EXO1: variants seen among roughly 807,000 people sequenced by gnomAD.
The protein encoded by EXO1 is exonuclease 1.
In EXO1, 69 loss-of-function variants were observed where a neutral mutation model predicts 84.5. That is an observed-to-expected ratio of 0.82 (90% confidence interval 0.67 to 1.00). EXO1 has a LOEUF of 1.00. Ranked by LOEUF, EXO1 falls within the 50% of genes least tolerant of loss-of-function variation. The pLI, the probability that EXO1 is intolerant of heterozygous loss-of-function variation, is 0.00. For missense variants in EXO1, 1,045 were observed against 1,000.7 expected, an observed-to-expected ratio of 1.04 and a Z score of -0.60; for synonymous variants, 373 against 366.1, an observed-to-expected ratio of 1.02 and a Z score of -0.21.
chr1:241,871,741 A>G (rs61068160), intron 11 of EXO1, among the ~76,000 whole-genome samples: 1 of 152,150 alleles, frequency 6.6e-6, no homozygotes, highest in Non-Finnish European at 1.5e-5. Context: ...TAATGAATAC[A>G]TCGCCACACA....
At chr1:241,858,171 G>A (rs1661169685) in intron 7 of EXO1, among the ~76,000 whole-genome samples, 1 of 152,178 alleles carries the variant, frequency 6.6e-6, no homozygotes, top group African/African-American at 2.4e-5. Context: ...AAAGGTACAA[G>A]TGACAGAGAA....
intron 9 of EXO1, 108 bp from the exon 10 acceptor site, chr1:241,861,298 C>A: frequency 1.4e-6 from 1 of 710,944 alleles, no homozygotes; most frequent in Non-Finnish European, 2.6e-6. Flanking sequence ...CCATTTAAGT[C>A]ATAAACCTAT....
At chr1:241,884,543 C>G (rs141635566) in intron 14 of EXO1, among the ~76,000 whole-genome samples, 25 of 152,164 alleles carry the variant, frequency 1.6e-4, no homozygotes, top group African/African-American at 4.3e-4. Flanking sequence ...AAATAAAATT[C>G]TATTTCCTGT....
Position 241,850,382 on chromosome 1 carries a change from T to C in EXO1, c.-17-27T>C, listed in dbSNP as rs768324588. On this transcript the variant is annotated intron_variant, in intron 3 of 15. Transcript: ENST00000366548. ...AAATGTATTTTTCTTTAAATATTACTGTTCTCCCTGTCTCTTTTCATATCA... is the reference window on the plus strand; with the variant it reads ...AAATGTATTTTTCTTTAAATATTACCGTTCTCCCTGTCTCTTTTCATATCA... 7 of 1,428,726 alleles carry C rather than the reference T, an allele frequency of 4.9e-6. 1 individual carries two copies. The South Asian group carries it at 8.0e-5, about 16-fold the overall frequency. 88.5% of individuals were successfully genotyped at this position (1,428,726 alleles called of 1,614,324 possible). A position where few individuals can be genotyped will look rare whatever the true frequency, so the allele number is the denominator to read the frequency against.
chr1:241,857,287 A>G (rs762527393), intron 6 of EXO1, 58 bp from the exon 7 acceptor site: 100 of 1,577,238 alleles, frequency 6.3e-5, no homozygotes, highest in Non-Finnish European at 8.1e-5. Flanking sequence ...TGAAACAGGA[A>G]GTTGTTTAGT....
intron 10 of EXO1, among the ~76,000 whole-genome samples, chr1:241,862,239 C>T (rs988147252): frequency 6.6e-5 from 10 of 152,142 alleles, no homozygotes; most frequent in Non-Finnish European, 1.5e-4. Context: ...CTCCTAGCCG[C>T]GATTTGCTGT....
chr1:241,871,736 A>G (rs981863913), intron 11 of EXO1, among the ~76,000 whole-genome samples: 1 of 152,174 alleles, frequency 6.6e-6, no homozygotes, highest in Non-Finnish European at 1.5e-5. Flanking sequence ...TAGTATAATG[A>G]ATACATCGCC....
intron 10 of EXO1, among the ~76,000 whole-genome samples, chr1:241,862,228 A>G (rs1776135): frequency 0.62 from 94,156 of 152,004 alleles, 29,668 homozygotes; most frequent in East Asian, 0.8. Context: ...GTGAGCCACC[A>G]CTCCTAGCCG....
At chr1:241,850,640 G>C in intron 4 of EXO1, 54 bp downstream of exon 4, 1 of 1,475,356 alleles carries the variant, frequency 6.8e-7, no homozygotes, top group South Asian at 1.1e-5. Context: ...GACCTACAGT[G>C]CCTTTTTTTC....
At chr1:241,853,605 T>G in intron 6 of EXO1, 124 bp downstream of exon 6, 1 of 981,820 alleles carries the variant, frequency 1.0e-6, no homozygotes, top group East Asian at 2.4e-5. Flanking sequence ...AGGGCAGATG[T>G]CAGAAGGAGA....
intron 11 of EXO1, among the ~76,000 whole-genome samples, chr1:241,867,531 A>G (rs1165289778): frequency 6.6e-6 from 1 of 152,150 alleles, no homozygotes; most frequent in African/African-American, 2.4e-5. Flanking sequence ...CATTATCATT[A>G]GTTTTAGCTC....
chr1:241,880,456 G>A (rs1046970467), intron 13 of EXO1, among the ~76,000 whole-genome samples: 1 of 152,160 alleles, frequency 6.6e-6, no homozygotes. Flanking sequence ...TCACACTGTA[G>A]GCTGGTAGAA....
intron 15 of EXO1, among the ~76,000 whole-genome samples, chr1:241,887,846 C>G (rs1317665855): frequency 6.6e-6 from 1 of 151,910 alleles, no homozygotes; most frequent in Non-Finnish European, 1.5e-5. Context: ...GCTGTGTTGG[C>G]CAGGCTGGTT....
chr1:241,855,228 C>T (rs1352498308), intron 6 of EXO1, among the ~76,000 whole-genome samples: 1 of 152,160 alleles, frequency 6.6e-6, no homozygotes, highest in Non-Finnish European at 1.5e-5. Flanking sequence ...TGACAGGGTG[C>T]TGATTGGTGC....
intron 6 of EXO1, among the ~76,000 whole-genome samples, chr1:241,856,186 T>G (rs1243069157): frequency 6.6e-6 from 1 of 151,906 alleles, no homozygotes; most frequent in Non-Finnish European, 1.5e-5. Flanking sequence ...GGAAAAAAAA[T>G]GAGAAAAATA....
intron 8 of EXO1, 27 bp from the exon 9 acceptor site, chr1:241,860,490 A>G: frequency 6.5e-7 from 1 of 1,535,252 alleles, no homozygotes; most frequent in Non-Finnish European, 9.0e-7. Flanking sequence ...TTAGTTGCAG[A>G]TAAAATATTT....
rs147687027 is a variant in EXO1, at chr1:241,853,399, G to C, written c.323G>C (p.Arg108Pro). The change falls in exon 6 of 16, where the codon CGT becomes CCT. Residue 108 changes from arginine (R) to proline (P), a missense_variant. Transcript: ENST00000366548. ...CTTCTTAAGGGAAAGCAACTTCTTC[G>C]TGAGGGGAAAGTCTCGGAAGCTCGA... The part of the protein sequence containing the change: ...ANLLKGKQLL[R>P]EGKVSEAREC... 1.2e-6 allele frequency: 2 copies of C among 1,613,912 alleles called. No individual in the cohort carries two copies. Among genetic ancestry groups the C allele is most frequent in the Non-Finnish European group, 1.7e-6 (2 of 1,179,886 alleles).
rs999323643 is a variant in EXO1 at position 241,860,649 on chromosome 1, C to A, written c.889C>A (p.Pro297Thr). 4 of 1,613,876 alleles carry A rather than the reference C, an allele frequency of 2.5e-6. No individual in the cohort carries two copies. Among genetic ancestry groups the A allele is most frequent in the Non-Finnish European group, 3.4e-6 (4 of 1,179,904 alleles). ...VFDPIKRKLI[P>T]LNAYEDDVDP... ...TGATCCCATCAAAAGGAAACTTATTCCTCTGAACGCCTATGAAGATGATGT... is the reference window on the plus strand; with the variant it reads ...TGATCCCATCAAAAGGAAACTTATTACTCTGAACGCCTATGAAGATGATGT... Residue 297 changes from proline (P) to threonine (T), a missense_variant, in exon 9 of 16, where the codon CCT becomes ACT. Pro to Thr is a conservative substitution (Grantham distance 38). Coordinates refer to ENST00000366548, the MANE Select transcript of EXO1 (RefSeq NM_130398.4).
At chr1:241,867,362 A>G (rs1661809005) in intron 11 of EXO1, among the ~76,000 whole-genome samples, 2 of 152,306 alleles carry the variant, frequency 1.3e-5, no homozygotes, top group South Asian at 4.1e-4. Context: ...TTTCCCTTAT[A>G]AAACCATCAG....
Sources: gnomAD v4.1 joint callset for allele counts (sites outside exome capture counted in the v4.1 genomes callset) on GRCh38, gnomAD v4.1.1 for gene constraint, MANE v1.5 for transcripts, NCBI Gene and HGNC (gene_info 2026-07-23, HGNC 2026-07-21) for gene names.